The following L3MBTL4 variants were observed in gnomAD, a reference collection of about 807,000 sequenced individuals.
L3MBTL4 encodes L3MBTL histone methyl-lysine binding protein 4.
A neutral mutation model predicts 84.5 loss-of-function variants in L3MBTL4; 70 were observed. That is an observed-to-expected ratio of 0.83 (90% CI 0.68 to 1.01). The LOEUF (loss-of-function observed/expected upper bound fraction) is 1.01, where lower values mean the gene tolerates loss of function less well. Ranked by LOEUF, L3MBTL4 falls within the 50% of genes least tolerant of loss-of-function variation. The pLI, the probability that L3MBTL4 is intolerant of heterozygous loss-of-function variation, is 0.00. For synonymous variants in L3MBTL4, 274 were observed against 259.8 expected (o/e 1.05, Z -0.52); for missense variants, 715 against 754.8 (o/e 0.95, Z 0.62).
chr18:6,197,581 C>T (rs1179964107), intron 12 of L3MBTL4, among the ~76,000 whole-genome samples: 4 of 152,156 alleles, frequency 2.6e-5, no homozygotes, highest in African/African-American at 4.8e-5. Context: ...CATACGTGTG[C>T]GTGTGTCTTT....
intron 1 of L3MBTL4, among the ~76,000 whole-genome samples, chr18:6,359,016 A>G (rs2053564919): frequency 6.6e-6 from 1 of 152,236 alleles, no homozygotes; most frequent in Non-Finnish European, 1.5e-5. Context: ...ACTGATTCAA[A>G]TCTAGTGTTT....
chr18:5,958,678 A>T (rs534819739), intron 18 of L3MBTL4, among the ~76,000 whole-genome samples: 1 of 152,038 alleles, frequency 6.6e-6, no homozygotes, highest in East Asian at 1.9e-4. Flanking sequence ...CCCAGAGGAG[A>T]CCCTCTGCTA....
At chr18:6,235,254 C>T (rs921632641) in intron 10 of L3MBTL4, among the ~76,000 whole-genome samples, 2 of 152,082 alleles carry the variant, frequency 1.3e-5, no homozygotes, top group Admixed American at 6.6e-5. Flanking sequence ...ATCAACATGG[C>T]ACATGTATAC....
At chr18:5,958,003 A>G (rs2095237276) in intron 18 of L3MBTL4, among the ~76,000 whole-genome samples, 1 of 148,178 alleles carries the variant, frequency 6.7e-6, no homozygotes, top group Non-Finnish European at 1.5e-5. Flanking sequence ...AGAAGGAAGG[A>G]GAAGGAGGAG....
chr18:6,021,768 T>TG (rs71370536), intron 16 of L3MBTL4, among the ~76,000 whole-genome samples: 11 of 151,510 alleles, frequency 7.3e-5, no homozygotes, highest in Admixed American at 1.3e-4. Flanking sequence ...TGCAGCGGGG[T>TG]GGGGGGGTGG....
At chr18:6,223,522 C>T (rs956916884) in intron 10 of L3MBTL4, among the ~76,000 whole-genome samples, 1 of 151,716 alleles carries the variant, frequency 6.6e-6, no homozygotes, top group Admixed American at 6.6e-5. Context: ...ACAGCACAAA[C>T]AATGACAAAA....
intron 5 of L3MBTL4, among the ~76,000 whole-genome samples, chr18:6,251,145 A>G (rs2047907398): frequency 6.6e-6 from 1 of 152,232 alleles, no homozygotes; most frequent in Non-Finnish European, 1.5e-5. Context: ...GAATACAACC[A>G]AAGAGAAAGT....
At chr18:6,413,561 T>G (rs180971814) in intron 1 of L3MBTL4, among the ~76,000 whole-genome samples, 1 of 152,270 alleles carries the variant, frequency 6.6e-6, no homozygotes, top group African/African-American at 2.4e-5. Context: ...CCTTAACCTT[T>G]TTAGGTGGAA....
intron 16 of L3MBTL4, among the ~76,000 whole-genome samples, chr18:6,001,805 G>T (rs1282783499): frequency 6.6e-6 from 1 of 152,170 alleles, no homozygotes; most frequent in Non-Finnish European, 1.5e-5. Context: ...GACAGCATAA[G>T]CAGACCAATA....
At chr18:6,296,704 G>A (rs1056069404) in intron 4 of L3MBTL4, among the ~76,000 whole-genome samples, 4 of 152,146 alleles carry the variant, frequency 2.6e-5, no homozygotes, top group African/African-American at 9.7e-5. Flanking sequence ...ACATTCTAGG[G>A]AAGGGGGGTT....
chr18:6,054,037 C>G (rs945076452), intron 16 of L3MBTL4, among the ~76,000 whole-genome samples: 2 of 152,196 alleles, frequency 1.3e-5, no homozygotes, highest in African/African-American at 2.4e-5. Context: ...CTTCAAGTCC[C>G]TCTGCTTCTT....
At chr18:6,172,227 G>C (rs890856283) in intron 12 of L3MBTL4, among the ~76,000 whole-genome samples, 1 of 152,144 alleles carries the variant, frequency 6.6e-6, no homozygotes, top group Non-Finnish European at 1.5e-5. Context: ...TCTCAACTAA[G>C]ACACGTACTG....
chr18:6,232,104 G>C (rs57654994), intron 10 of L3MBTL4, among the ~76,000 whole-genome samples: 2 of 152,086 alleles, frequency 1.3e-5, no homozygotes, highest in South Asian at 4.2e-4. Flanking sequence ...AAAGGGTGTT[G>C]AATCTTGTCA....
chr18:5,986,958 C>T (rs1294482060), intron 16 of L3MBTL4, among the ~76,000 whole-genome samples: 4 of 152,202 alleles, frequency 2.6e-5, no homozygotes, highest in African/African-American at 9.6e-5. Flanking sequence ...TGTTTTCTCC[C>T]TTCTCCTCCA....
At chr18:6,351,209 A>G (rs970413987) in intron 1 of L3MBTL4, among the ~76,000 whole-genome samples, 2 of 152,156 alleles carry the variant, frequency 1.3e-5, no homozygotes, top group Non-Finnish European at 2.9e-5. Context: ...AAAAGCGCAT[A>G]CTACAACATA....
chr18:6,219,006 G>T (rs1174672321), intron 10 of L3MBTL4, among the ~76,000 whole-genome samples: 2 of 152,150 alleles, frequency 1.3e-5, no homozygotes, highest in Non-Finnish European at 2.9e-5. Context: ...CCCTCTCAAT[G>T]AAAACCCACC....
chr18:5,988,648 G>T (rs2053562840), intron 16 of L3MBTL4, among the ~76,000 whole-genome samples: 1 of 149,780 alleles, frequency 6.7e-6, no homozygotes, highest in South Asian at 2.1e-4. Context: ...ATATATGTAT[G>T]TACGTATGTA....
chr18:6,023,094 A>C (rs1331435564), intron 16 of L3MBTL4, among the ~76,000 whole-genome samples: 1 of 152,210 alleles, frequency 6.6e-6, no homozygotes, highest in East Asian at 1.9e-4. Context: ...AGGAGGCCAG[A>C]GCTCAATACA....
At chr18:6,133,916 A>T (rs956399502) in intron 14 of L3MBTL4, among the ~76,000 whole-genome samples, 4 of 152,308 alleles carry the variant, frequency 2.6e-5, no homozygotes, top group African/African-American at 9.6e-5. Flanking sequence ...CTGGTAAGGG[A>T]AAAATGCCTC....
Sources: allele counts gnomAD v4.1 joint callset (sites outside exome capture counted in the v4.1 genomes callset), GRCh38; gene constraint gnomAD v4.1.1; transcripts MANE v1.5; gene names NCBI Gene and HGNC (gene_info 2026-07-23, HGNC 2026-07-21).